FAM13C: variants seen among roughly 807,000 people sequenced by gnomAD.
FAM13C encodes the protein family with sequence similarity 13 member C, also known as protein FAM13C.
A neutral mutation model predicts 73.2 loss-of-function variants in FAM13C; 37 were observed. The ratio of observed to expected loss-of-function variants is 0.51; its 90% confidence interval spans 0.39 to 0.67. The LOEUF is 0.67. FAM13C is among the 30% of genes least tolerant of loss of function. FAM13C has a pLI of 0.00. For missense variants in FAM13C, 589 were observed against 715.6 expected (o/e 0.82, Z 2.02); for synonymous variants, 246 against 260.9 (o/e 0.94, Z 0.55).
chr10:59,266,613 G>A (rs1235147415), intron 8 of FAM13C, among the ~76,000 whole-genome samples: 2 of 152,168 alleles, frequency 1.3e-5, no homozygotes, highest in Non-Finnish European at 1.5e-5. Context: ...GGTGACCAAG[G>A]AGCTTCCTTC....
intron 1 of FAM13C, among the ~76,000 whole-genome samples, chr10:59,359,057 G>A (rs77080370): frequency 0.027 from 4,113 of 152,236 alleles, 87 homozygotes; most frequent in Non-Finnish European, 0.043. Flanking sequence ...AATGCTCAGG[G>A]TTGCTACTTT....
intron 4 of FAM13C, among the ~76,000 whole-genome samples, chr10:59,314,365 G>C (rs1159547924): frequency 6.6e-6 from 1 of 152,134 alleles, no homozygotes. Context: ...AGTAGCTCTG[G>C]GAAGTAGATA....
chr10:59,297,805 G>C (rs1174063041), intron 5 of FAM13C, among the ~76,000 whole-genome samples: 1 of 151,932 alleles, frequency 6.6e-6, no homozygotes, highest in African/African-American at 2.4e-5. Context: ...ATTTTTCTAT[G>C]TTCCTACAGT....
rs541928515 is a variant in FAM13C, at chr10:59,329,487, A to C, written c.325-5381T>G. Among the ~76,000 whole-genome samples the C allele has an allele frequency of 1.1e-4, 16 of 150,928 alleles. 1 individual carries two copies. In the South Asian group the frequency reaches 1.7e-3, roughly 16 times the overall value. The stretch of plus-strand genomic sequence containing the variant: ...CGATTCTCCTGCCTCAGCCTCCTGA[A>C]TAGCTGGGATTACAGGTCCCACCAC... On this transcript the variant is annotated intron_variant, in intron 3 of 13. Coordinates refer to ENST00000618804, the MANE Select transcript of FAM13C (RefSeq NM_198215.4).
chr10:59,298,540 G>C (rs1381241222), intron 5 of FAM13C, among the ~76,000 whole-genome samples: 1 of 152,138 alleles, frequency 6.6e-6, no homozygotes, highest in East Asian at 1.9e-4. Flanking sequence ...AAGAAGAAAA[G>C]AAGGCCCATG....
At chr10:59,327,914 G>A (rs779029640) in intron 3 of FAM13C, among the ~76,000 whole-genome samples, 5 of 152,148 alleles carry the variant, frequency 3.3e-5, no homozygotes, top group Non-Finnish European at 7.3e-5. Flanking sequence ...CTGTCAAATG[G>A]TCAGATCCAA....
At chr10:59,323,068 C>A (rs1221915294) in intron 4 of FAM13C, among the ~76,000 whole-genome samples, 1 of 152,204 alleles carries the variant, frequency 6.6e-6, no homozygotes, top group Non-Finnish European at 1.5e-5. Context: ...AACTGCATAG[C>A]ACAGCCAATC....
intron 6 of FAM13C, among the ~76,000 whole-genome samples, chr10:59,275,325 A>G (rs927950425): frequency 1.5e-4 from 23 of 152,164 alleles, no homozygotes; most frequent in Non-Finnish European, 2.4e-4. Flanking sequence ...GCAGCTCCAG[A>G]TAGAGCCAGA....
chr10:59,297,559 C>T lies in FAM13C; in HGVS notation c.507+5242G>A, dbSNP rs557240946. Among the ~76,000 whole-genome samples the T allele has an allele frequency of 3.3e-5, 5 of 152,226 alleles. No homozygotes were observed. In the South Asian group the frequency reaches 6.2e-4, roughly 19 times the overall value. On this transcript the variant is annotated intron_variant, in intron 5 of 13. Transcript: ENST00000618804. ...GGTTTCTTCCTCTCCATCAGTGGCC[C>T]CTGACATTCAGTTACTTCAAGGTCC...
intron 5 of FAM13C, among the ~76,000 whole-genome samples, chr10:59,292,035 A>G (rs555786830): frequency 4.5e-4 from 68 of 152,130 alleles, no homozygotes; most frequent in South Asian, 1.5e-3. Flanking sequence ...TGGTCCGCCC[A>G]CCTTGGCCTC....
rs182225223 is a variant in FAM13C at position 59,348,452 on chromosome 10, G to C, written c.324+3818C>G. On this transcript the variant is annotated intron_variant, in intron 3 of 13. Transcript: ENST00000618804. ...ATTCTCCCATATTTGTCCAAGTCCTGGTGGAGCTTTGCCTGATATTAGAGA... is the reference window on the plus strand; with the variant it reads ...ATTCTCCCATATTTGTCCAAGTCCTCGTGGAGCTTTGCCTGATATTAGAGA... Among the ~76,000 whole-genome samples, 64 of 152,280 alleles carry C rather than the reference G, an allele frequency of 4.2e-4. 1 individual carries two copies. In the East Asian group the frequency reaches 0.012, roughly 29 times the overall value.
chr10:59,322,264 C>G (rs1459448718), intron 4 of FAM13C, among the ~76,000 whole-genome samples: 1 of 152,154 alleles, frequency 6.6e-6, no homozygotes, highest in African/African-American at 2.4e-5. Flanking sequence ...TGATAAATAA[C>G]TGTAGTTTAA....
chr10:59,271,582 A>T (rs923535495), intron 6 of FAM13C, among the ~76,000 whole-genome samples: 3 of 152,218 alleles, frequency 2.0e-5, no homozygotes, highest in Non-Finnish European at 2.9e-5. Context: ...TGACTGACAC[A>T]CATCACCACA....
chr10:59,251,782 G>T, intron 12 of FAM13C, 106 bp from the exon 13 acceptor site: 1 of 831,448 alleles, frequency 1.2e-6, no homozygotes, highest in Non-Finnish European at 1.9e-6. Context: ...ATTGAAAAGT[G>T]TTCCCATCAT....
rs536754503 is a variant in FAM13C at position 59,246,158 on chromosome 10, ATTG to A, written c.*1453_*1455del. On this transcript the variant is annotated 3_prime_UTR_variant, in exon 14 of 14. Coordinates refer to ENST00000618804, the MANE Select transcript of FAM13C (RefSeq NM_198215.4). Reference sequence around the variant, plus strand: ...TATAATAGAAAAATATTTTATTTGTATTGTTGTATAAAATATTTACAATCATAT... The same window carrying A: ...TATAATAGAAAAATATTTTATTTGTATTGTATAAAATATTTACAATCATAT... 313 of 152,850 alleles carry A rather than the reference ATTG, an allele frequency of 2.0e-3. No individual in the cohort carries two copies. Among genetic ancestry groups the A allele is most frequent in the Non-Finnish European group, 3.8e-3 (262 of 68,076 alleles). 9.5% of individuals were successfully genotyped at this position (152,850 alleles called of 1,614,324 possible).
At chr10:59,289,179 G>A (rs1845922868) in intron 5 of FAM13C, among the ~76,000 whole-genome samples, 1 of 152,212 alleles carries the variant, frequency 6.6e-6, no homozygotes, top group African/African-American at 2.4e-5. Flanking sequence ...GTTCACAATA[G>A]GGTGCATGCT....
intron 3 of FAM13C, among the ~76,000 whole-genome samples, chr10:59,344,119 G>A (rs1418497031): frequency 2.0e-5 from 3 of 150,330 alleles, no homozygotes; most frequent in African/African-American, 4.9e-5. Context: ...CCGCCACCAC[G>A]CCCAGCTAAT....
chr10:59,316,220 C>T (rs1455622477), intron 4 of FAM13C, among the ~76,000 whole-genome samples: 5 of 152,170 alleles, frequency 3.3e-5, no homozygotes, highest in South Asian at 4.1e-4. Context: ...CAGGCATGAA[C>T]TGTAATCTCA....
intron 3 of FAM13C, among the ~76,000 whole-genome samples, chr10:59,344,476 G>A (rs1183742797): frequency 6.7e-6 from 1 of 150,070 alleles, no homozygotes; most frequent in African/African-American, 2.5e-5. Context: ...TAGAGACGGG[G>A]TTTCACCATG....
Sources: allele counts gnomAD v4.1 joint callset (sites outside exome capture counted in the v4.1 genomes callset), GRCh38; gene constraint gnomAD v4.1.1; transcripts MANE v1.5; gene names NCBI Gene and HGNC (gene_info 2026-07-23, HGNC 2026-07-21).